Variants in MR1 observed in about 807,000 individuals in gnomAD.
MR1 encodes major histocompatibility complex, class I-related.
Under a neutral mutation model 37.8 loss-of-function variants are expected in MR1, and 44 were observed. The observed-to-expected ratio is 1.16, with a 90% CI of 0.91 to 1.50. MR1 has a LOEUF of 1.50. Among genes scored for constraint, MR1 ranks in the 40% most tolerant of loss-of-function variants. The pLI is 0.00. For synonymous variants in MR1, 153 were observed against 155.8 expected (o/e 0.98, Z 0.13); for missense variants, 386 against 419.1 (o/e 0.92, Z 0.69).
chr1:181,044,365 G>A (rs995549805), intron 1 of MR1, among the ~76,000 whole-genome samples: 1 of 152,208 alleles, frequency 6.6e-6, no homozygotes, highest in Non-Finnish European at 1.5e-5. Flanking sequence ...CAAGGGCCAG[G>A]TTAGAAGATC....
chr1:181,049,383 C>T, intron 2 of MR1, 71 bp downstream of exon 2: 3 of 1,509,530 alleles, frequency 2.0e-6, no homozygotes, highest in African/African-American at 1.4e-5. Context: ...GGCTGGCCTC[C>T]AATAAGCGGA....
At chr1:181,043,251 C>CA (rs755571891) in intron 1 of MR1, among the ~76,000 whole-genome samples, 12 of 152,224 alleles carry the variant, frequency 7.9e-5, no homozygotes, top group Non-Finnish European at 1.6e-4. Flanking sequence ...TACAGAGGGA[C>CA]ATTGGGACCT....
chr1:181,049,047 T>C lies in MR1; in HGVS notation c.68-5T>C, dbSNP rs772497580. 40 of 1,612,722 alleles carry C rather than the reference T, an allele frequency of 2.5e-5. 1 individual carries two copies. In the Middle Eastern group the frequency reaches 1.8e-3, roughly 73 times the overall value. On this transcript the variant is annotated splice_region_variant and splice_polypyrimidine_tract_variant and intron_variant, in intron 1 of 5. Coordinates refer to ENST00000367580, the MANE Select transcript of MR1 (RefSeq NM_001385161.1). Reference sequence around the variant, plus strand: ...ACATGTCTTCCTTCTTTGCCTCCTTTCCAGGGACGCACTCTCTGAGATATT... The same window carrying C: ...ACATGTCTTCCTTCTTTGCCTCCTTCCCAGGGACGCACTCTCTGAGATATT...
At position 181,056,700 on chromosome 1, in the gene MR1, T is replaced by A. The variant is rs993334215; in HGVS notation, c.*1435T>A. ...GTTTGACTCTGCACCTGAGCCCTAATGCTTACTTCAGTGACCTGAACTTTG... is the reference window on the plus strand; with the variant it reads ...GTTTGACTCTGCACCTGAGCCCTAAAGCTTACTTCAGTGACCTGAACTTTG... On this transcript the variant is annotated 3_prime_UTR_variant, in exon 6 of 6. Transcript: ENST00000367580. 2 of 152,432 alleles carry A rather than the reference T, an allele frequency of 1.3e-5. No homozygotes were observed. The highest frequency in any genetic ancestry group is 4.8e-5 in the African/African-American group (2 of 41,464). 9.4% of individuals were successfully genotyped at this position (152,432 alleles called of 1,614,324 possible).
At chr1:181,045,109 C>T (rs1034619044) in intron 1 of MR1, among the ~76,000 whole-genome samples, 3 of 152,160 alleles carry the variant, frequency 2.0e-5, no homozygotes, top group Admixed American at 6.5e-5. Context: ...ATATCTGGAT[C>T]TCTGGTATGT....
At chr1:181,045,449 A>G (rs554218020) in intron 1 of MR1, among the ~76,000 whole-genome samples, 6 of 151,940 alleles carry the variant, frequency 3.9e-5, no homozygotes, top group African/African-American at 1.4e-4. Flanking sequence ...GTCCCAGGCC[A>G]TTTGGTTCCC....
chr1:181,058,866 T>C lies in MR1; in HGVS notation c.*3601T>C, dbSNP rs771682733. On this transcript the variant is annotated 3_prime_UTR_variant, in exon 6 of 6. Transcript: ENST00000367580. ...ACACAATTGCTAAGTGGGTCAGATA[T>C]CTGTCTCAGCTGGTCAGTACACCTT... 8 of 152,252 alleles carry C rather than the reference T, an allele frequency of 5.3e-5. No individual in the cohort carries two copies. The highest frequency in any genetic ancestry group is 1.0e-4 in the Non-Finnish European group (7 of 68,048). The allele number at this position is 152,252 out of a possible 1,614,324, so 9.4% of individuals were successfully genotyped here.
intron 1 of MR1, among the ~76,000 whole-genome samples, chr1:181,039,123 A>C (rs553139717): frequency 2.4e-4 from 36 of 152,324 alleles, no homozygotes; most frequent in East Asian, 3.9e-4. Flanking sequence ...CCTATTTTCT[A>C]TCTGTGGGTT....
rs972098173 is a variant in MR1, at chr1:181,055,942, G to T, written c.*677G>T. On this transcript the variant is annotated 3_prime_UTR_variant, in exon 6 of 6. Transcript: ENST00000367580. ...AGCTTGGAATCTTGGTAATCTGCCC[G>T]GTTGGATCTATGGAGGTAGTCTCAC... The T allele has an allele frequency of 6.6e-6, 1 of 152,216 alleles. No individual in the cohort carries two copies. The highest frequency in any genetic ancestry group is 1.9e-4 in the East Asian group (1 of 5,190). 9.4% of individuals were successfully genotyped at this position (152,216 alleles called of 1,614,324 possible). A position where few individuals can be genotyped will look rare whatever the true frequency, so the allele number is the denominator to read the frequency against.
intron 3 of MR1, 110 bp from the exon 4 acceptor site, chr1:181,052,125 T>A (rs2102400328): frequency 7.8e-7 from 1 of 1,276,206 alleles, no homozygotes; most frequent in African/African-American, 1.5e-5. Context: ...ATTCTTAGCT[T>A]TAGAAGTTTC....
At position 181,049,164 on chromosome 1, in the gene MR1, T is replaced by A. The variant is rs755150632; in HGVS notation, c.180T>A (p.Ser60Arg). The change falls in exon 2 of 6, where the codon AGT becomes AGA. Residue 60 changes from serine (S) to arginine (R), a missense_variant. Transcript: ENST00000367580. ...CGCACCCTATCACCACATATGACAGTGTCACTCGGCAGAAGGAGCCACGGG... is the reference window on the plus strand; with the variant it reads ...CGCACCCTATCACCACATATGACAGAGTCACTCGGCAGAAGGAGCCACGGG... ...VDSHPITTYD[S>R]VTRQKEPRAP... 4 of 1,614,178 alleles carry A rather than the reference T, an allele frequency of 2.5e-6. No homozygotes were observed. The highest frequency in any genetic ancestry group is 3.3e-5 in the Admixed American group (2 of 60,024).
At position 181,060,935 on chromosome 1, in the gene MR1, T is replaced by C. The variant is rs753052314; in HGVS notation, c.*5670T>C. ...TTTGGGGTCCCCTGGATATAAGATT[T>C]CTGAAAACACTCAGACTGTGGAGAC... is the stretch of plus-strand genomic sequence containing the variant. On this transcript the variant is annotated 3_prime_UTR_variant, in exon 6 of 6. Transcript: ENST00000367580. 6.6e-6 allele frequency: 1 copy of C among 152,166 alleles called. No homozygotes were observed. Among genetic ancestry groups the C allele is most frequent in the Non-Finnish European group, 1.5e-5 (1 of 68,066 alleles). 9.4% of individuals were successfully genotyped at this position (152,166 alleles called of 1,614,324 possible).
chr1:181,039,083 G>T (rs897873098), intron 1 of MR1, among the ~76,000 whole-genome samples: 3 of 152,172 alleles, frequency 2.0e-5, no homozygotes, highest in African/African-American at 7.2e-5. Flanking sequence ...GGGATTACAG[G>T]CATGAGCCAC....
rs1228275235 is a variant in MR1 at position 181,060,446 on chromosome 1, A to AT, written c.*5187dup. On this transcript the variant is annotated 3_prime_UTR_variant, in exon 6 of 6. Coordinates refer to ENST00000367580, the MANE Select transcript of MR1 (RefSeq NM_001385161.1). ...CTGTAGGTTCCCTCAATCCACCAAA[A>AT]TTTTTTGGCTCCACTGGATTATCTA... is the stretch of plus-strand genomic sequence containing the variant. 6.6e-6 allele frequency: 1 copy of AT among 152,104 alleles called. No individual in the cohort carries two copies. The highest frequency in any genetic ancestry group is 1.9e-4 in the East Asian group (1 of 5,196). 9.4% of individuals were successfully genotyped at this position (152,104 alleles called of 1,614,324 possible).
chr1:181,056,767 C>A lies in MR1; in HGVS notation c.*1502C>A, dbSNP rs1209787444. On this transcript the variant is annotated 3_prime_UTR_variant, in exon 6 of 6. Transcript: ENST00000367580. The stretch of plus-strand genomic sequence containing the variant: ...CTGCACCTCAGGTTTGACCTCTGCT[C>A]TCCCTTGACCTTGACTGTGACATTT... 1.3e-5 allele frequency: 2 copies of A among 152,402 alleles called. No homozygotes were observed. Among genetic ancestry groups the A allele is most frequent in the Admixed American group, 6.5e-5 (1 of 15,280 alleles). The allele number at this position is 152,402 out of a possible 1,614,324, so 9.4% of individuals were successfully genotyped here.
At chr1:181,041,496 C>G (rs943168587) in intron 1 of MR1, among the ~76,000 whole-genome samples, 17 of 152,232 alleles carry the variant, frequency 1.1e-4, no homozygotes, top group Non-Finnish European at 1.2e-4. Context: ...TCCACATTCT[C>G]TGTCTGGAGT....
At chr1:181,046,711 G>T (rs1221112794) in intron 1 of MR1, among the ~76,000 whole-genome samples, 1 of 152,088 alleles carries the variant, frequency 6.6e-6, no homozygotes, top group Non-Finnish European at 1.5e-5. Flanking sequence ...TTCGCTCTTT[G>T]CAATAAATCC....
chr1:181,034,278 G>A (rs1361242455), intron 1 of MR1, among the ~76,000 whole-genome samples: 1 of 152,202 alleles, frequency 6.6e-6, no homozygotes, highest in East Asian at 1.9e-4. Context: ...ACCACCTTCT[G>A]AGGGAGGGGG....
At chr1:181,033,783 A>C, upstream of MR1, 1 of 464,676 alleles carries the variant, frequency 2.2e-6, no homozygotes. Context: ...TAGGGTGAAG[A>C]TAGATACACC....
Sources: gnomAD v4.1 joint callset for allele counts (sites outside exome capture counted in the v4.1 genomes callset) on GRCh38, gnomAD v4.1.1 for gene constraint, MANE v1.5 for transcripts, NCBI Gene and HGNC (gene_info 2026-07-23, HGNC 2026-07-21) for gene names.